The following CDH13 variants were observed in gnomAD, a reference collection of about 807,000 sequenced individuals.
CDH13 encodes the protein cadherin-13.
CDH13 carries 24 observed loss-of-function variants against 63.8 expected under a neutral mutation model. That is an observed-to-expected ratio of 0.38 (90% CI 0.27 to 0.53). The LOEUF (loss-of-function observed/expected upper bound fraction) is 0.53. CDH13 is among the 20% of genes least tolerant of loss of function. The probability of loss-of-function intolerance (pLI) is 0.85; values close to 1 mark genes in which losing one functional copy is unlikely to be tolerated. For missense variants in CDH13, 1,049 were observed against 903.1 expected, an observed-to-expected ratio of 1.16 and a Z score of -2.07; for synonymous variants, 503 against 355.3, an observed-to-expected ratio of 1.42 and a Z score of -4.67.
At chr16:83,491,913 C>T (rs2074023020) in intron 7 of CDH13, among the ~76,000 whole-genome samples, 1 of 152,014 alleles carries the variant, frequency 6.6e-6, no homozygotes, top group South Asian at 2.1e-4. Context: ...TTCTTTCTTT[C>T]CATGGTAAGT....
intron 5 of CDH13, among the ~76,000 whole-genome samples, chr16:83,231,337 G>T (rs2039993605): frequency 6.6e-6 from 1 of 152,210 alleles, no homozygotes; most frequent in Non-Finnish European, 1.5e-5. Flanking sequence ...AATCTGCTAG[G>T]TTCAGGGCTC....
At chr16:83,073,344 T>C (rs1244081981) in intron 3 of CDH13, among the ~76,000 whole-genome samples, 1 of 133,806 alleles carries the variant, frequency 7.5e-6, no homozygotes, top group South Asian at 2.3e-4. Flanking sequence ...TGTGTGTGTG[T>C]GTGTGTGTGT....
intron 1 of CDH13, among the ~76,000 whole-genome samples, chr16:82,709,608 A>G (rs72837574): frequency 0.067 from 10,173 of 152,308 alleles, 380 homozygotes; most frequent in Middle Eastern, 0.085. Flanking sequence ...GAGATAATTC[A>G]TGTCAAGTAT....
At chr16:83,439,323 G>C (rs1323701945) in intron 6 of CDH13, among the ~76,000 whole-genome samples, 1 of 152,154 alleles carries the variant, frequency 6.6e-6, no homozygotes, top group Admixed American at 6.5e-5. Context: ...AGAGCACCAG[G>C]AACACATCCG....
At chr16:83,144,729 A>C (rs55840026) in intron 4 of CDH13, among the ~76,000 whole-genome samples, 2 of 152,244 alleles carry the variant, frequency 1.3e-5, no homozygotes, top group African/African-American at 2.4e-5. Flanking sequence ...TAAGAGTCCA[A>C]CTGTCAGAAT....
chr16:82,676,912 TCTCA>T (rs1158700358), intron 1 of CDH13, among the ~76,000 whole-genome samples: 3 of 151,564 alleles, frequency 2.0e-5, no homozygotes, highest in Non-Finnish European at 4.4e-5. Flanking sequence ...TTCAACGGAG[TCTCA>T]CTCTGTCACC....
At chr16:83,349,395 T>A (rs2090904719) in intron 6 of CDH13, among the ~76,000 whole-genome samples, 1 of 152,080 alleles carries the variant, frequency 6.6e-6, no homozygotes, top group Non-Finnish European at 1.5e-5. Context: ...TTCATGGGTG[T>A]TTTGCCCTCT....
intron 5 of CDH13, among the ~76,000 whole-genome samples, chr16:83,218,458 A>G (rs573159336): frequency 1.4e-5 from 2 of 145,402 alleles, no homozygotes; most frequent in East Asian, 3.9e-4. Context: ...GTCCCAACTT[A>G]TACTCAAGGG....
intron 1 of CDH13, among the ~76,000 whole-genome samples, chr16:82,804,556 T>C (rs2037050087): frequency 6.6e-6 from 1 of 152,332 alleles, no homozygotes; most frequent in East Asian, 1.9e-4. Context: ...CCTAGTTCTC[T>C]TGTGTGAACA....
At chr16:83,549,241 G>C (rs1252035252) in intron 7 of CDH13, among the ~76,000 whole-genome samples, 1 of 152,192 alleles carries the variant, frequency 6.6e-6, no homozygotes, top group Non-Finnish European at 1.5e-5. Context: ...GAGCACCTGT[G>C]AGTTGGTTCC....
chr16:83,232,584 C>T (rs1297619224), intron 5 of CDH13, among the ~76,000 whole-genome samples: 13 of 151,808 alleles, frequency 8.6e-5, no homozygotes, highest in Non-Finnish European at 1.8e-4. Flanking sequence ...CACCTCCCTT[C>T]CCCCACACAC....
At chr16:83,313,666 A>AAAAAAAT (rs1555528954) in intron 5 of CDH13, among the ~76,000 whole-genome samples, 1 of 144,208 alleles carries the variant, frequency 6.9e-6, no homozygotes, top group African/African-American at 2.5e-5. Context: ...AAAAAAAAAA[A>AAAAAAAT]GGGAGGTCCT....
In CDH13 at chr16:82,953,495, C is replaced by T. The variant is rs146530657; in HGVS notation, c.158-78515C>T. 803 of 152,256 alleles carry T rather than the reference C, an allele frequency of 5.3e-3. 7 individuals are homozygous for T. The highest frequency in any genetic ancestry group is 0.019 in the African/African-American group (770 of 41,554). The allele number at this position is 152,256 out of a possible 1,614,324, so 9.4% of individuals were successfully genotyped here. ...TTTACAAATGATAAAGCTTCACAAACAAAAACATCAAGATGTTTTGCTTTT... is the reference window on the plus strand; with the variant it reads ...TTTACAAATGATAAAGCTTCACAAATAAAAACATCAAGATGTTTTGCTTTT... On this transcript the variant is annotated intron_variant, in intron 2 of 13. Transcript: ENST00000567109.
At position 83,070,122 on chromosome 16, in the gene CDH13, G is replaced by A. The variant is rs143880889; in HGVS notation, c.366+37904G>A. Among the ~76,000 whole-genome samples the A allele has an allele frequency of 5.6e-3, 859 of 152,060 alleles. 4 individuals carry two copies. Among genetic ancestry groups the A allele is most frequent in the Non-Finnish European group, 8.7e-3 (588 of 67,972 alleles). On this transcript the variant is annotated intron_variant, in intron 3 of 13. Coordinates refer to ENST00000567109, the MANE Select transcript of CDH13 (RefSeq NM_001257.5). ...CTGTTCTGAAATCCTCTTGCTTCTTGGCATGCTTATTAAGAAATTCTGCTC... is the reference window on the plus strand; with the variant it reads ...CTGTTCTGAAATCCTCTTGCTTCTTAGCATGCTTATTAAGAAATTCTGCTC...
At chr16:82,874,136 A>G (rs1236948098) in intron 2 of CDH13, among the ~76,000 whole-genome samples, 2 of 152,164 alleles carry the variant, frequency 1.3e-5, no homozygotes, top group African/African-American at 2.4e-5. Context: ...CAATAGTAAA[A>G]CATATGAATG....
At chr16:83,529,531 G>C (rs2075036563) in intron 7 of CDH13, among the ~76,000 whole-genome samples, 1 of 151,986 alleles carries the variant, frequency 6.6e-6, no homozygotes, top group African/African-American at 2.4e-5. Flanking sequence ...CTAGCCCAGA[G>C]CAATGTACAC....
In CDH13 at chr16:83,453,919, C is replaced by A. The variant is rs118099950; in HGVS notation, c.782-32558C>A. Among the ~76,000 whole-genome samples, 1,379 of 152,314 alleles carry A rather than the reference C, an allele frequency of 9.1e-3. 5 individuals are homozygous for A. The highest frequency in any genetic ancestry group is 0.014 in the Non-Finnish European group (976 of 68,032). ...TTGCCATGAGTCTGTAGTGCCAGCT[C>A]AAATGGCATCATGCTGTGCTCCTGC... On this transcript the variant is annotated intron_variant, in intron 6 of 13. Coordinates refer to ENST00000567109, the MANE Select transcript of CDH13 (RefSeq NM_001257.5).
chr16:83,146,914 C>T (rs999171619), intron 4 of CDH13, among the ~76,000 whole-genome samples: 29 of 152,126 alleles, frequency 1.9e-4, no homozygotes. Context: ...ATGGTGAAAC[C>T]CTGTCTCTAC....
At chr16:83,679,625 C>CT (rs1313663182) in intron 10 of CDH13, among the ~76,000 whole-genome samples, 1 of 152,072 alleles carries the variant, frequency 6.6e-6, no homozygotes, top group Non-Finnish European at 1.5e-5. Flanking sequence ...AATAGCCATT[C>CT]TTTTTTTTCT....
Sources: allele counts gnomAD v4.1 joint callset (sites outside exome capture counted in the v4.1 genomes callset), GRCh38; gene constraint gnomAD v4.1.1; transcripts MANE v1.5; gene names NCBI Gene and HGNC (gene_info 2026-07-23, HGNC 2026-07-21).